Variants in NCOR2 observed in about 807,000 individuals in gnomAD.
The protein encoded by NCOR2 is CTG repeat protein 26.
Under a neutral mutation model 262.9 loss-of-function variants are expected in NCOR2, and 81 were observed. The ratio of observed to expected loss-of-function variants is 0.31; its 90% CI spans 0.26 to 0.37. NCOR2 has a LOEUF of 0.37. Among genes scored for constraint, NCOR2 ranks in the 10% least tolerant of loss-of-function variants. The pLI is 1.00. For synonymous variants in NCOR2, 1,659 were observed against 1,559.3 expected, an observed-to-expected ratio of 1.06 and a Z score of -1.51; for missense variants, 3,385 against 3,621.4, an observed-to-expected ratio of 0.93 and a Z score of 1.68.
At chr12:124,510,743 G>C (rs1222331474) in intron 1 of NCOR2, among the ~76,000 whole-genome samples, 2 of 152,218 alleles carry the variant, frequency 1.3e-5, no homozygotes, top group Non-Finnish European at 2.9e-5. Context: ...CACAAGACCA[G>C]GCCAGGTCCT....
exon 10 of NCOR2, chr12:124,429,694 C>A: frequency 6.2e-7 from 1 of 1,603,990 alleles, no homozygotes; most frequent in South Asian, 1.1e-5. Context: ...CACTGCCCCG[C>A]TGGCCCACCC....
At position 124,325,482 on chromosome 12, in the gene NCOR2, C is replaced by T. The variant is rs77107801; in HGVS notation, c.7465G>A (p.Ala2489Thr). The T allele has an allele frequency of 0.013, 17,984 of 1,336,114 alleles. 728 individuals carry two copies. The highest frequency in any genetic ancestry group is 0.12 in the South Asian group (6,135 of 52,416). The allele number at this position is 1,336,114 out of a possible 1,614,324, so 82.8% of individuals were successfully genotyped here. A position where few individuals can be genotyped will look rare whatever the true frequency, so the allele number is the denominator to read the frequency against. The change falls in exon 47 of 47, where the codon GCT becomes ACT. Residue 2489 changes from alanine (A) to threonine (T), a missense_variant. Ala to Thr is a moderately conservative substitution (Grantham distance 58). Transcript: ENST00000405201. ...TCGTCCCAGGCGTGGTGGGGGCCAG[C>T]GAGGGGCCCGCTGCCCGCGGGGAGG... is the stretch of plus-strand genomic sequence containing the variant.
chr12:124,455,627 G>A lies in NCOR2; in HGVS notation c.762+1479C>T, dbSNP rs3782278. Among the ~76,000 whole-genome samples, 722 of 152,364 alleles carry A rather than the reference G, an allele frequency of 4.7e-3. 28 individuals carry two copies. In the East Asian group the frequency reaches 0.087, roughly 18 times the overall value. On this transcript the variant is annotated intron_variant, in intron 6 of 46. Transcript: ENST00000405201. ...TGAGCAGCCTGCAGAAACTTCAGGG[G>A]GAGCAGCTCATCACCAAATTGTTCA...
intron 1 of NCOR2, among the ~76,000 whole-genome samples, chr12:124,515,528 T>G (rs2049688233): frequency 6.6e-6 from 1 of 152,208 alleles, no homozygotes; most frequent in South Asian, 2.1e-4. Context: ...GCCAGCCGTA[T>G]GCAGATTGCA....
At chr12:124,348,227 T>A in exon 29 of NCOR2, 1 of 1,613,060 alleles carries the variant, frequency 6.2e-7, no homozygotes, top group South Asian at 1.1e-5. Flanking sequence ...CATCATGTCA[T>A]AGGTGCGCTT....
Position 124,492,934 on chromosome 12 carries a change from T to C in NCOR2, c.105+2213A>G, listed in dbSNP as rs117324379. 6.3e-4 allele frequency among the ~76,000 whole-genome samples: 96 copies of C among 152,236 alleles called. 2 individuals are homozygous for C. In the East Asian group the frequency reaches 0.013, roughly 21 times the overall value. ...CCTACCATGAGGCAGGAGGGTCCGATATGGGGCAGCTCCCCCAGGGAGGAG... is the reference window on the plus strand; with the variant it reads ...CCTACCATGAGGCAGGAGGGTCCGACATGGGGCAGCTCCCCCAGGGAGGAG... On this transcript the variant is annotated intron_variant, in intron 1 of 46. Transcript: ENST00000405201.
At chr12:124,399,794 ACAAAGTAGAGACAACAGACG>A (rs1335031895) in intron 15 of NCOR2, among the ~76,000 whole-genome samples, 6 of 152,164 alleles carry the variant, frequency 3.9e-5, no homozygotes, top group African/African-American at 1.4e-4. Flanking sequence ...TAACAGCTAA[ACAAAGTAGAGACAACAGACG>A]CACACCGCTG....
intron 1 of NCOR2, among the ~76,000 whole-genome samples, chr12:124,509,240 G>GGGT (rs1566010710): frequency 7.2e-6 from 1 of 138,486 alleles, no homozygotes; most frequent in African/African-American, 2.6e-5. Flanking sequence ...TTTGGTGGGG[G>GGGT]GGGGGGGGGC....
chr12:124,388,448 T>C (rs2136129362), intron 16 of NCOR2, among the ~76,000 whole-genome samples: 1 of 152,216 alleles, frequency 6.6e-6, no homozygotes, highest in African/African-American at 2.4e-5. Flanking sequence ...GCACACAGCA[T>C]CACAGACCTT....
At chr12:124,336,829 G>A (rs750783393) in exon 38 of NCOR2, 1 of 1,613,080 alleles carries the variant, frequency 6.2e-7, no homozygotes, top group South Asian at 1.1e-5. Context: ...CCGAGGCCGA[G>A]GCAGGTGGCG....
chr12:124,426,744 A>T (rs1401148698), exon 11 of NCOR2: 2 of 1,606,720 alleles, frequency 1.2e-6, no homozygotes, highest in Non-Finnish European at 1.7e-6. Context: ...GCTGCTGGTC[A>T]GCGTCGTACA....
intron 1 of NCOR2, among the ~76,000 whole-genome samples, chr12:124,502,151 G>A (rs146834557): frequency 2.0e-3 from 308 of 152,324 alleles, no homozygotes; most frequent in African/African-American, 7.0e-3. Flanking sequence ...GCGGAAAGCC[G>A]GTGGGACGTG....
At chr12:124,556,880 G>A (rs2137278882) in intron 1 of NCOR2, among the ~76,000 whole-genome samples, 1 of 151,920 alleles carries the variant, frequency 6.6e-6, no homozygotes, top group Admixed American at 6.5e-5. Context: ...GAGAAAAATG[G>A]CAAAGGAATG....
chr12:124,403,502 AAAGCACACACT>A (rs1387467678), intron 13 of NCOR2, among the ~76,000 whole-genome samples: 1 of 151,806 alleles, frequency 6.6e-6, no homozygotes, highest in East Asian at 1.9e-4. Flanking sequence ...GATTTCTTTT[AAAGCACACACT>A]GATTTTCTTG....
chr12:124,341,842 G>A (rs772722066), exon 34 of NCOR2: 13 of 1,606,870 alleles, frequency 8.1e-6, no homozygotes, highest in Middle Eastern at 1.6e-4. Flanking sequence ...CCGCAGCGTA[G>A]TTGAGTGCCA....
At chr12:124,466,905 C>G (rs1302606979) in intron 4 of NCOR2, among the ~76,000 whole-genome samples, 3 of 151,874 alleles carry the variant, frequency 2.0e-5, no homozygotes, top group Non-Finnish European at 4.4e-5. Context: ...GCTCATGATG[C>G]GTGCAAAGCA....
intron 18 of NCOR2, among the ~76,000 whole-genome samples, chr12:124,377,570 G>A (rs1397123987): frequency 6.6e-6 from 1 of 152,142 alleles, no homozygotes; most frequent in African/African-American, 2.4e-5. Context: ...CTGACGTGGT[G>A]ACTCACACCT....
intron 7 of NCOR2, among the ~76,000 whole-genome samples, chr12:124,449,247 G>A (rs949152001): frequency 6.6e-6 from 1 of 152,084 alleles, no homozygotes; most frequent in African/African-American, 2.4e-5. Context: ...TTCCCTCCTA[G>A]CACCGGTCTG....
At chr12:124,374,310 G>C (rs1187783811) in intron 19 of NCOR2, 103 bp downstream of exon 21, 1 of 1,179,850 alleles carries the variant, frequency 8.5e-7, no homozygotes, top group African/African-American at 1.5e-5. Context: ...CTCACAGAAA[G>C]AGGCATGTGC....
Sources: gnomAD v4.1 joint callset for allele counts (sites outside exome capture counted in the v4.1 genomes callset) on GRCh38, gnomAD v4.1.1 for gene constraint, MANE v1.5 for transcripts, NCBI Gene and HGNC (gene_info 2026-07-23, HGNC 2026-07-21) for gene names.